Variants in DNAJB4 observed in about 807,000 individuals in gnomAD.
DNAJB4 encodes DnaJ heat shock protein family (Hsp40) member B4.
In DNAJB4, 10 loss-of-function variants were observed where a neutral mutation model predicts 26.6. The observed-to-expected ratio is 0.38, with a 90% CI of 0.23 to 0.64. The LOEUF is 0.64. Among genes scored for constraint, DNAJB4 ranks in the 30% least tolerant of loss-of-function variants. The pLI is 0.58. For synonymous variants in DNAJB4, 136 were observed against 134.8 expected (o/e 1.01, Z -0.06); for missense variants, 328 against 408.2 (o/e 0.80, Z 1.69).
upstream of DNAJB4, chr1:77,979,307 ATT>A (rs1480433451): frequency 2.7e-6 from 1 of 368,296 alleles, no homozygotes; most frequent in Non-Finnish European, 5.0e-6. Context: ...AGGCTGGGTA[ATT>A]GTTCCTGCAG....
upstream of DNAJB4, among the ~76,000 whole-genome samples, chr1:78,002,413 GAATGTAAGGGTAAAATATCTCCAA>G (rs1375753944): frequency 6.6e-6 from 1 of 152,148 alleles, no homozygotes; most frequent in African/African-American, 2.4e-5. Flanking sequence ...CTGAAAAGGT[GAATGTAAGGGTAAAATATCTCCAA>G]AATGCTATGT....
intron 1 of DNAJB4, 130 bp downstream of exon 1, chr1:78,005,451 A>G (rs1414428746): frequency 1.3e-6 from 1 of 757,966 alleles, no homozygotes; most frequent in Admixed American, 3.2e-5. Flanking sequence ...TCTCAGTCAT[A>G]TCAAAAGTAG....
At chr1:78,001,345 G>GA (rs10707731), upstream of DNAJB4, among the ~76,000 whole-genome samples, 2,227 of 143,208 alleles carry the variant, frequency 0.016, 50 homozygotes, top group African/African-American at 0.051. Context: ...TCTCAAAAAA[G>GA]AAAAAAAAAA....
intron 1 of DNAJB4, among the ~76,000 whole-genome samples, chr1:77,980,928 CAT>C (rs1286844479): frequency 5.9e-5 from 9 of 152,122 alleles, no homozygotes; most frequent in Non-Finnish European, 1.0e-4. Flanking sequence ...CAGATTTAAT[CAT>C]AATGTATAGA....
intron 1 of DNAJB4, among the ~76,000 whole-genome samples, chr1:77,998,013 G>A (rs961415776): frequency 2.0e-5 from 3 of 152,166 alleles, no homozygotes; most frequent in African/African-American, 7.2e-5. Flanking sequence ...GGCCTCAAGT[G>A]ATCTGCAGTC....
At chr1:77,982,568 C>T (rs1003557417) in intron 1 of DNAJB4, among the ~76,000 whole-genome samples, 1 of 5,454 alleles carries the variant, frequency 1.8e-4, no homozygotes, top group Non-Finnish European at 7.1e-4. Flanking sequence ...CATGCCGAGG[C>T]GGGTGGATCA....
chr1:78,014,127 CT>C (rs200230733), intron 2 of DNAJB4, among the ~76,000 whole-genome samples: 142 of 145,318 alleles, frequency 9.8e-4, no homozygotes, highest in Middle Eastern at 3.5e-3. Flanking sequence ...TGCACTATTT[CT>C]TTTTTTTTTT....
upstream of DNAJB4, chr1:78,004,447 C>T (rs1459951706): frequency 1.3e-5 from 2 of 152,024 alleles, no homozygotes. Context: ...TTGATAGACC[C>T]CAGGAATTTT....
intron 1 of DNAJB4, among the ~76,000 whole-genome samples, chr1:77,992,500 C>A (rs189976338): frequency 1.1e-4 from 17 of 149,836 alleles, no homozygotes; most frequent in Non-Finnish European, 1.5e-5. Flanking sequence ...TAGCCATTAT[C>A]ATTTATGACC....
chr1:77,980,813 A>G (rs1659594512), intron 1 of DNAJB4, among the ~76,000 whole-genome samples: 1 of 152,200 alleles, frequency 6.6e-6, no homozygotes, highest in African/African-American at 2.4e-5. Flanking sequence ...CTTTTAAGGC[A>G]GTAGTATCCA....
intron 1 of DNAJB4, among the ~76,000 whole-genome samples, chr1:77,991,803 G>T (rs1202352489): frequency 6.6e-6 from 1 of 152,216 alleles, no homozygotes; most frequent in Non-Finnish European, 1.5e-5. Context: ...GCACAAGAAG[G>T]CTGTGATGTG....
upstream of DNAJB4, among the ~76,000 whole-genome samples, chr1:77,980,021 A>T (rs557813143): frequency 1.9e-4 from 29 of 152,002 alleles, no homozygotes; most frequent in Non-Finnish European, 3.8e-4. Context: ...TAGCTGGGAC[A>T]ACAGGCGCCT....
upstream of DNAJB4, among the ~76,000 whole-genome samples, chr1:78,000,089 A>G (rs1332751296): frequency 1.3e-5 from 2 of 152,236 alleles, no homozygotes; most frequent in Non-Finnish European, 2.9e-5. Flanking sequence ...TGAGTAGCAA[A>G]TATTAACTGG....
exon 1 of DNAJB4, chr1:77,980,276 G>A (rs1659517538): frequency 1.3e-5 from 2 of 150,920 alleles, no homozygotes; most frequent in East Asian, 3.9e-4. Flanking sequence ...CCATCCTGTG[G>A]GTACTCAAAT....
In DNAJB4 at chr1:78,005,211, A is replaced by G; in HGVS notation, c.101A>G (p.Asp34Gly). 6.2e-7 allele frequency: 1 copy of G among 1,614,164 alleles called. No individual in the cohort carries two copies. Among genetic ancestry groups the G allele is most frequent in the South Asian group, 1.1e-5 (1 of 91,088 alleles). The change falls in exon 1 of 3, where the codon GAC (aspartate) becomes GGC (glycine). Residue 34 changes from aspartate to glycine, a missense_variant. Physicochemically the swap from Asp to Gly is moderately conservative, Grantham distance 94 (BLOSUM62 -1). Transcript: ENST00000370763. ...AAACAAGCCCTCAAATTTCATCCGG[A>G]CAAGAACAAATCTCCTCAGGCAGAG... ...YRKQALKFHP[D>G]KNKSPQAEEK...
At chr1:77,980,869 A>G (rs1445167593) in intron 1 of DNAJB4, among the ~76,000 whole-genome samples, 1 of 152,140 alleles carries the variant, frequency 6.6e-6, no homozygotes, top group African/African-American at 2.4e-5. Flanking sequence ...CCATCCCTAT[A>G]AATTTTGGTG....
At chr1:78,006,286 T>A (rs903236170) in intron 1 of DNAJB4, among the ~76,000 whole-genome samples, 5 of 152,218 alleles carry the variant, frequency 3.3e-5, no homozygotes, top group Non-Finnish European at 7.4e-5. Flanking sequence ...GTAAGACTAT[T>A]TTAAATTGCT....
At chr1:77,985,458 A>G (rs1191663675) in intron 1 of DNAJB4, among the ~76,000 whole-genome samples, 2 of 152,228 alleles carry the variant, frequency 1.3e-5, no homozygotes, top group African/African-American at 4.8e-5. Context: ...TATAAGAAAT[A>G]TCTGGAGGTA....
chr1:77,993,453 A>G (rs1019590006), intron 1 of DNAJB4, among the ~76,000 whole-genome samples: 4 of 152,102 alleles, frequency 2.6e-5, no homozygotes, highest in Admixed American at 6.5e-5. Flanking sequence ...AGCTGGGACT[A>G]CAAGTGTGTG....
Sources: gnomAD v4.1 joint callset for allele counts (sites outside exome capture counted in the v4.1 genomes callset) on GRCh38, gnomAD v4.1.1 for gene constraint, MANE v1.5 for transcripts, NCBI Gene and HGNC (gene_info 2026-07-23, HGNC 2026-07-21) for gene names.